The following IMMP2L variants were observed in gnomAD, a reference collection of about 807,000 sequenced individuals.
The protein encoded by IMMP2L is mitochondrial inner membrane protease subunit 2.
IMMP2L carries 18 observed loss-of-function variants against 19.3 expected under a neutral mutation model. The observed-to-expected ratio is 0.93, with a 90% CI of 0.64 to 1.38. The LOEUF is 1.38. IMMP2L is among the 40% of genes most tolerant of loss of function. The pLI is 0.00. For missense variants in IMMP2L, 233 were observed against 218.2 expected (o/e 1.07, Z -0.43); for synonymous variants, 76 against 73.0 (o/e 1.04, Z -0.21).
intron 5 of IMMP2L, among the ~76,000 whole-genome samples, chr7:110,831,520 C>G (rs1385409200): frequency 1.3e-5 from 2 of 152,070 alleles, no homozygotes; most frequent in Admixed American, 1.3e-4. Context: ...GCCTTTCAAA[C>G]GTATCTTGTT....
At chr7:110,786,155 C>T (rs1432465628) in intron 5 of IMMP2L, among the ~76,000 whole-genome samples, 2 of 151,830 alleles carry the variant, frequency 1.3e-5, no homozygotes, top group African/African-American at 4.8e-5. Context: ...AAGATAGAAA[C>T]AGCTTCATAT....
intron 3 of IMMP2L, among the ~76,000 whole-genome samples, chr7:111,074,533 A>G (rs973145485): frequency 2.6e-5 from 4 of 152,214 alleles, no homozygotes; most frequent in African/African-American, 9.6e-5. Flanking sequence ...TTCTGCCTAA[A>G]TACTTGTTTC....
At chr7:111,194,578 G>C (rs1250318180) in intron 3 of IMMP2L, among the ~76,000 whole-genome samples, 1 of 152,066 alleles carries the variant, frequency 6.6e-6, no homozygotes, top group Non-Finnish European at 1.5e-5. Flanking sequence ...GCCACTACCT[G>C]CCACAATCCC....
chr7:111,124,113 T>C (rs1260041382), intron 3 of IMMP2L: 1 of 1,614,090 alleles, frequency 6.2e-7, no homozygotes, highest in Non-Finnish European at 8.5e-7. Context: ...GTAGAGCTAC[T>C]GCAGAACCAC....
chr7:110,955,432 G>A (rs1489755063), intron 4 of IMMP2L, among the ~76,000 whole-genome samples: 1 of 151,840 alleles, frequency 6.6e-6, no homozygotes, highest in Non-Finnish European at 1.5e-5. Context: ...CTTATTTGGT[G>A]ACAACTAAAC....
intron 3 of IMMP2L, among the ~76,000 whole-genome samples, chr7:111,444,067 TTG>T (rs1167622809): frequency 2.6e-5 from 4 of 152,160 alleles, no homozygotes; most frequent in Non-Finnish European, 5.9e-5. Flanking sequence ...TCTTTAAATG[TTG>T]TGTTTCTATT....
At chr7:111,320,319 C>T (rs1309077254) in intron 3 of IMMP2L, among the ~76,000 whole-genome samples, 1 of 152,114 alleles carries the variant, frequency 6.6e-6, no homozygotes, top group Non-Finnish European at 1.5e-5. Context: ...GCCACTCTGC[C>T]TCTTCCCATT....
At position 110,944,923 on chromosome 7, in the gene IMMP2L, AT is replaced by A. The variant is rs568170812; in HGVS notation, c.305+18576del. Among the ~76,000 whole-genome samples the A allele has an allele frequency of 5.1e-3, 770 of 152,078 alleles. 10 individuals carry two copies. The highest frequency in any genetic ancestry group is 0.017 in the Middle Eastern group (5 of 294). ...TGTTTTCTGTCCTTTGCTCTTATAA[AT>A]AATGTTATAATTAACTCCCTTATAC... On this transcript the variant is annotated intron_variant, in intron 4 of 5. Transcript: ENST00000405709.
intron 5 of IMMP2L, among the ~76,000 whole-genome samples, chr7:110,673,359 T>C (rs1195552434): frequency 6.6e-6 from 1 of 152,174 alleles, no homozygotes; most frequent in African/African-American, 2.4e-5. Flanking sequence ...CATTTTTCCC[T>C]CCTAGGCCTC....
At chr7:111,475,278 T>TG (rs1430125785) in intron 3 of IMMP2L, among the ~76,000 whole-genome samples, 2 of 152,138 alleles carry the variant, frequency 1.3e-5, no homozygotes, top group Admixed American at 1.3e-4. Context: ...GTTCTCTTCT[T>TG]GGAAAGAAAT....
intron 3 of IMMP2L, among the ~76,000 whole-genome samples, chr7:111,347,407 T>C (rs1827681908): frequency 6.6e-6 from 1 of 151,932 alleles, no homozygotes; most frequent in Non-Finnish European, 1.5e-5. Context: ...GATTAAGAAG[T>C]GGACGAAACC....
intron 3 of IMMP2L, among the ~76,000 whole-genome samples, chr7:111,421,126 T>C (rs896852999): frequency 2.6e-5 from 4 of 151,838 alleles, no homozygotes; most frequent in Non-Finnish European, 5.9e-5. Flanking sequence ...GTTATCTCAT[T>C]GTGGTTTTGA....
chr7:111,227,653 C>G (rs955864377), intron 3 of IMMP2L, among the ~76,000 whole-genome samples: 12 of 152,116 alleles, frequency 7.9e-5, no homozygotes, highest in African/African-American at 2.2e-4. Flanking sequence ...TACTCCCATA[C>G]TCTGCATAAG....
chr7:110,913,949 T>G (rs963451252), intron 4 of IMMP2L, among the ~76,000 whole-genome samples: 1 of 152,024 alleles, frequency 6.6e-6, no homozygotes, highest in Non-Finnish European at 1.5e-5. Flanking sequence ...TTCTCAGGTG[T>G]TTTTTTGCTA....
At chr7:110,823,296 A>G (rs113916737) in intron 5 of IMMP2L, among the ~76,000 whole-genome samples, 1 of 151,950 alleles carries the variant, frequency 6.6e-6, no homozygotes, top group South Asian at 2.1e-4. Context: ...CAAAAACCTA[A>G]CTCCTATATT....
intron 3 of IMMP2L, among the ~76,000 whole-genome samples, chr7:111,438,266 A>G (rs1008126310): frequency 2.6e-5 from 4 of 151,884 alleles, no homozygotes; most frequent in Non-Finnish European, 5.9e-5. Context: ...TGACAGTCTC[A>G]AAGAATACTG....
At chr7:111,501,992 T>C (rs1310489731) in intron 2 of IMMP2L, among the ~76,000 whole-genome samples, 1 of 152,092 alleles carries the variant, frequency 6.6e-6, no homozygotes, top group East Asian at 1.9e-4. Context: ...TAAATGTAAA[T>C]GGGCTAAATG....
chr7:110,855,360 T>C (rs1806652410), intron 5 of IMMP2L, among the ~76,000 whole-genome samples: 1 of 151,992 alleles, frequency 6.6e-6, no homozygotes. Flanking sequence ...TGGGGTGATA[T>C]GACAGTACAG....
At chr7:111,466,712 C>G (rs1257190885) in intron 3 of IMMP2L, among the ~76,000 whole-genome samples, 1 of 152,144 alleles carries the variant, frequency 6.6e-6, no homozygotes, top group Non-Finnish European at 1.5e-5. Flanking sequence ...GTGGGTTCCA[C>G]ATCCATGGAT....
Sources: allele counts gnomAD v4.1 joint callset (sites outside exome capture counted in the v4.1 genomes callset), GRCh38; gene constraint gnomAD v4.1.1; transcripts MANE v1.5; gene names NCBI Gene and HGNC (gene_info 2026-07-23, HGNC 2026-07-21).